Variants in TMEM132D observed in about 807,000 individuals in gnomAD.
The protein encoded by TMEM132D is mature OL transmembrane protein.
TMEM132D carries 21 observed loss-of-function variants against 62.3 expected under a neutral mutation model. That is an observed-to-expected ratio of 0.34 (90% confidence interval 0.24 to 0.49). The LOEUF is 0.49. Ranked by LOEUF, TMEM132D falls within the 20% of genes least tolerant of loss-of-function variation. TMEM132D has a pLI of 0.99. For synonymous variants in TMEM132D, 621 were observed against 575.6 expected (o/e 1.08, Z -1.13); for missense variants, 1,346 against 1,402.8 (o/e 0.96, Z 0.65).
intron 2 of TMEM132D, among the ~76,000 whole-genome samples, chr12:129,659,956 CAGA>C (rs766172530): frequency 2.0e-5 from 3 of 152,130 alleles, no homozygotes; most frequent in Non-Finnish European, 4.4e-5. Context: ...GGCACTGATG[CAGA>C]AGAAGAACCC....
At chr12:129,344,884 G>A (rs1296011943) in intron 3 of TMEM132D, among the ~76,000 whole-genome samples, 1 of 152,002 alleles carries the variant, frequency 6.6e-6, no homozygotes, top group Non-Finnish European at 1.5e-5. Flanking sequence ...TAAAATTGCT[G>A]ATTGAGATTT....
intron 1 of TMEM132D, among the ~76,000 whole-genome samples, chr12:129,794,327 C>G (rs763403835): frequency 6.8e-6 from 1 of 147,844 alleles, no homozygotes; most frequent in Non-Finnish European, 1.5e-5. Context: ...GTCTCAAACT[C>G]CTGATCTCAG....
Position 129,291,772 on chromosome 12 carries a change from A to G in TMEM132D, c.1299+45862T>C, listed in dbSNP as rs182351612. Among the ~76,000 whole-genome samples the G allele has an allele frequency of 8.0e-4, 122 of 152,176 alleles. 1 individual carries two copies. The highest frequency in any genetic ancestry group is 6.8e-3 in the Middle Eastern group (2 of 294). On this transcript the variant is annotated intron_variant, in intron 4 of 8. Coordinates refer to ENST00000422113, the MANE Select transcript of TMEM132D (RefSeq NM_133448.3). ...GAAAGGGGAGAAACTCTAGGGGAAA[A>G]GGGGTTGGAAATGGCTATGGGGCTA...
At chr12:129,301,995 A>T (rs1047219684) in intron 4 of TMEM132D, among the ~76,000 whole-genome samples, 1 of 152,204 alleles carries the variant, frequency 6.6e-6, no homozygotes, top group Non-Finnish European at 1.5e-5. Context: ...CGTATTGTCT[A>T]CAGCTTCTAT....
At chr12:129,398,499 A>G (rs1871498792) in intron 3 of TMEM132D, among the ~76,000 whole-genome samples, 1 of 152,148 alleles carries the variant, frequency 6.6e-6, no homozygotes, top group South Asian at 2.1e-4. Context: ...CTTGGGCAGT[A>G]CCAGGAAACT....
rs1371468445 is a variant in TMEM132D, at chr12:129,473,322, TTG to T, written c.1115+57735_1115+57736del. 1.8e-3 allele frequency among the ~76,000 whole-genome samples: 186 copies of T among 104,646 alleles called. 10 individuals carry two copies. The highest frequency in any genetic ancestry group is 7.4e-3 in the East Asian group (27 of 3,640). 68.7% of individuals were successfully genotyped at this position (104,646 alleles called of 152,430 possible). ...TTTGGCAATAAAGTGATTTTAGTTT[TTG>T]TTTTTTTTTTTTTTTTTTTTTTGAG... On this transcript the variant is annotated intron_variant, in intron 3 of 8. Coordinates refer to ENST00000422113, the MANE Select transcript of TMEM132D (RefSeq NM_133448.3).
chr12:129,752,835 G>A (rs745759817), intron 1 of TMEM132D, among the ~76,000 whole-genome samples: 1 of 152,200 alleles, frequency 6.6e-6, no homozygotes, highest in African/African-American at 2.4e-5. Flanking sequence ...ACTGGGGACT[G>A]GCTCAGATGG....
intron 3 of TMEM132D, among the ~76,000 whole-genome samples, chr12:129,497,375 C>A (rs1359460831): frequency 1.1e-4 from 17 of 152,102 alleles, no homozygotes; most frequent in Admixed American, 1.1e-3. Context: ...TCCTTTGAAA[C>A]TCTAGCTTGT....
intron 5 of TMEM132D, among the ~76,000 whole-genome samples, chr12:129,116,860 C>A (rs1487753743): frequency 2.9e-5 from 4 of 138,228 alleles, no homozygotes; most frequent in Non-Finnish European, 6.1e-5. Context: ...ACATATCTTG[C>A]CATTCAACCA....
intron 4 of TMEM132D, among the ~76,000 whole-genome samples, chr12:129,213,428 T>G (rs2135569224): frequency 6.6e-6 from 1 of 152,240 alleles, no homozygotes; most frequent in South Asian, 2.1e-4. Flanking sequence ...CCCAGCGAGG[T>G]CAAGGCTGCA....
At chr12:129,105,432 T>C (rs1413288563) in intron 5 of TMEM132D, among the ~76,000 whole-genome samples, 3 of 135,466 alleles carry the variant, frequency 2.2e-5, no homozygotes, top group African/African-American at 8.9e-5. Context: ...TTGGGAGATA[T>C]ACCTAATGCT....
At chr12:129,734,233 T>C (rs1017807970) in intron 1 of TMEM132D, among the ~76,000 whole-genome samples, 1 of 152,174 alleles carries the variant, frequency 6.6e-6, no homozygotes, top group African/African-American at 2.4e-5. Context: ...AAGGAAAGTA[T>C]AAGATGTCAT....
intron 2 of TMEM132D, among the ~76,000 whole-genome samples, chr12:129,659,463 C>G (rs1190529999): frequency 6.6e-6 from 1 of 152,148 alleles, no homozygotes; most frequent in Non-Finnish European, 1.5e-5. Context: ...TTTGGAAATT[C>G]TCAAAAGCAA....
At chr12:129,586,955 A>C (rs1292843837) in intron 2 of TMEM132D, among the ~76,000 whole-genome samples, 1 of 152,238 alleles carries the variant, frequency 6.6e-6, no homozygotes, top group Non-Finnish European at 1.5e-5. Flanking sequence ...ACACAGTCAA[A>C]ATACATTAAT....
intron 3 of TMEM132D, among the ~76,000 whole-genome samples, chr12:129,530,644 C>T (rs908669888): frequency 1.3e-5 from 2 of 152,206 alleles, no homozygotes; most frequent in Non-Finnish European, 2.9e-5. Context: ...TAAATATACA[C>T]TGCAAACGTG....
At chr12:129,530,773 A>G (rs1287352949) in intron 3 of TMEM132D, among the ~76,000 whole-genome samples, 2 of 152,180 alleles carry the variant, frequency 1.3e-5, no homozygotes, top group Non-Finnish European at 2.9e-5. Flanking sequence ...GAAAGAGGTC[A>G]TGTTGAAGAG....
intron 3 of TMEM132D, among the ~76,000 whole-genome samples, chr12:129,524,072 G>GGCCT (rs530134804): frequency 2.2e-4 from 33 of 152,040 alleles, no homozygotes; most frequent in South Asian, 1.0e-3. Context: ...CACACACCGG[G>GGCCT]GCCTGTCGTG....
At chr12:129,369,851 G>A (rs975451513) in intron 3 of TMEM132D, among the ~76,000 whole-genome samples, 15 of 152,306 alleles carry the variant, frequency 9.8e-5, no homozygotes, top group African/African-American at 2.4e-4. Context: ...AGCAATTTTC[G>A]CATGCTTGTA....
chr12:129,636,721 TGTGTGTGTGTGTGTGTGAGA>T (rs1879488709), intron 2 of TMEM132D, among the ~76,000 whole-genome samples: 1 of 125,146 alleles, frequency 8.0e-6, no homozygotes, highest in African/African-American at 3.0e-5. Context: ...TGTGTGTGTG[TGTGTGTGTGTGTGTGTGAGA>T]GAGAGAGAGA....
Sources: gnomAD v4.1 joint callset for allele counts (sites outside exome capture counted in the v4.1 genomes callset) on GRCh38, gnomAD v4.1.1 for gene constraint, MANE v1.5 for transcripts, NCBI Gene and HGNC (gene_info 2026-07-23, HGNC 2026-07-21) for gene names.